Variants in MYT1L observed in about 807,000 individuals in gnomAD.
MYT1L encodes myelin transcription factor 1-like protein.
In MYT1L, 12 loss-of-function variants were observed where a neutral mutation model predicts 126.7. That is an observed-to-expected ratio of 0.09 (90% CI 0.06 to 0.15). The LOEUF (loss-of-function observed/expected upper bound fraction) is 0.15. MYT1L is among the 10% of genes least tolerant of loss of function. The pLI is 1.00. For missense variants in MYT1L, 979 were observed against 1,585.2 expected (o/e 0.62, Z 6.49); for synonymous variants, 541 against 604.2 (o/e 0.90, Z 1.53).
intron 18 of MYT1L, among the ~76,000 whole-genome samples, chr2:1,878,393 T>A (rs984827472): frequency 6.6e-6 from 1 of 152,230 alleles, no homozygotes; most frequent in African/African-American, 2.4e-5. Flanking sequence ...TTAAAAAATA[T>A]AAACTGTTCA....
At chr2:2,238,773 T>C (rs965548224) in intron 2 of MYT1L, among the ~76,000 whole-genome samples, 4 of 152,256 alleles carry the variant, frequency 2.6e-5, no homozygotes, top group African/African-American at 9.6e-5. Context: ...AATACATCTC[T>C]ACATGTTCCA....
intron 3 of MYT1L, among the ~76,000 whole-genome samples, chr2:2,152,939 G>GGGGAAT (rs2086054998): frequency 6.6e-6 from 1 of 152,158 alleles, no homozygotes; most frequent in Admixed American, 6.5e-5. Context: ...TACTGAACAA[G>GGGGAAT]GGGAATAGAT....
At chr2:2,167,827 C>A (rs2089403501) in intron 3 of MYT1L, among the ~76,000 whole-genome samples, 1 of 152,214 alleles carries the variant, frequency 6.6e-6, no homozygotes, top group Non-Finnish European at 1.5e-5. Context: ...TTGTTATACT[C>A]TCACCCTTAT....
At chr2:2,200,049 G>A (rs564918951) in intron 2 of MYT1L, among the ~76,000 whole-genome samples, 3 of 152,190 alleles carry the variant, frequency 2.0e-5, no homozygotes, top group South Asian at 2.1e-4. Context: ...TGGGCCTTAC[G>A]GTTTACAAAA....
At chr2:1,957,337 C>G (rs1558537065) in intron 8 of MYT1L, among the ~76,000 whole-genome samples, 1 of 152,118 alleles carries the variant, frequency 6.6e-6, no homozygotes, top group Non-Finnish European at 1.5e-5. Flanking sequence ...TTCTTTCATG[C>G]TGATTTCTGG....
intron 2 of MYT1L, among the ~76,000 whole-genome samples, chr2:2,241,225 T>C (rs1158106391): frequency 2.6e-5 from 4 of 152,192 alleles, no homozygotes; most frequent in Non-Finnish European, 5.9e-5. Context: ...AAATGTGTGC[T>C]CTTAAAAGGG....
intron 18 of MYT1L, among the ~76,000 whole-genome samples, chr2:1,873,964 T>C (rs577752058): frequency 6.6e-6 from 1 of 151,986 alleles, no homozygotes; most frequent in South Asian, 2.1e-4. Flanking sequence ...TACCGGACTC[T>C]ATGAGGGATG....
intron 4 of MYT1L, among the ~76,000 whole-genome samples, chr2:2,017,184 G>A (rs1371904552): frequency 6.6e-6 from 1 of 152,134 alleles, no homozygotes; most frequent in Non-Finnish European, 1.5e-5. Flanking sequence ...GAGACTCAAC[G>A]CTCCCTGCTT....
At position 1,912,848 on chromosome 2, in the gene MYT1L, T is replaced by C. The variant is rs955426778; in HGVS notation, c.1619-738A>G. 3.3e-5 allele frequency among the ~76,000 whole-genome samples: 5 copies of C among 152,152 alleles called. No homozygotes were observed. Among genetic ancestry groups the C allele is most frequent in the Non-Finnish European group, 7.4e-5 (5 of 68,022 alleles). On this transcript the variant is annotated intron_variant, in intron 11 of 24. Transcript: ENST00000647738. The surrounding 1 kb of genome is among the most constrained non-coding windows in gnomAD (Gnocchi z 4.3). Reference sequence around the variant, plus strand: ...TGCTTGAATTTTCCCAGCAGTGGTGTTGGACCTGAATTATTTGTGTCTTCC... The same window carrying C: ...TGCTTGAATTTTCCCAGCAGTGGTGCTGGACCTGAATTATTTGTGTCTTCC...
chr2:1,969,744 C>G (rs900364906), intron 8 of MYT1L, among the ~76,000 whole-genome samples: 1 of 152,198 alleles, frequency 6.6e-6, no homozygotes, highest in Non-Finnish European at 1.5e-5. Flanking sequence ...CTGCAGCCCT[C>G]TCTGGACACT....
intron 21 of MYT1L, among the ~76,000 whole-genome samples, chr2:1,821,843 C>T (rs925806152): frequency 2.6e-5 from 4 of 152,214 alleles, no homozygotes; most frequent in African/African-American, 9.6e-5. Flanking sequence ...TCTCACTTGA[C>T]GTTCCCATCT....
chr2:2,240,352 A>G (rs1333053138), intron 2 of MYT1L, among the ~76,000 whole-genome samples: 1 of 152,158 alleles, frequency 6.6e-6, no homozygotes, highest in Admixed American at 6.5e-5. Context: ...CAAGTAAAAT[A>G]TTTTATCCTT....
intron 18 of MYT1L, among the ~76,000 whole-genome samples, chr2:1,872,727 A>G (rs1454086358): frequency 1.3e-5 from 2 of 152,188 alleles, no homozygotes; most frequent in African/African-American, 4.8e-5. Context: ...CAGAGTCTCA[A>G]AACTCCAGGC....
chr2:1,987,119 C>T (rs2061091547), intron 5 of MYT1L, among the ~76,000 whole-genome samples: 1 of 152,092 alleles, frequency 6.6e-6, no homozygotes, highest in Admixed American at 6.5e-5. Context: ...TTCTCCATTA[C>T]TTTATCTTGC....
intron 14 of MYT1L, among the ~76,000 whole-genome samples, chr2:1,897,461 T>G (rs954627313): frequency 6.6e-5 from 10 of 151,592 alleles, no homozygotes; most frequent in Middle Eastern, 3.4e-3. Context: ...TTTTTTTTTT[T>G]TTGTTTGTTT....
At chr2:2,065,319 C>T (rs2071089689) in intron 3 of MYT1L, among the ~76,000 whole-genome samples, 1 of 152,070 alleles carries the variant, frequency 6.6e-6, no homozygotes, top group East Asian at 1.9e-4. Flanking sequence ...AATTATAATA[C>T]CCCAAATTAA....
chr2:2,264,664 G>A (rs767220707), intron 2 of MYT1L, among the ~76,000 whole-genome samples: 14 of 152,080 alleles, frequency 9.2e-5, no homozygotes, highest in East Asian at 1.9e-4. Context: ...GGCTGAGGAC[G>A]CGCCACGGTC....
chr2:1,801,103 T>C lies in MYT1L; in HGVS notation c.3276+593A>G, dbSNP rs78348838. The C allele has an allele frequency of 9.2e-3, 1,409 of 152,480 alleles. 23 individuals carry two copies. The highest frequency in any genetic ancestry group is 0.031 in the African/African-American group (1,289 of 41,538). 9.4% of individuals were successfully genotyped at this position (152,480 alleles called of 1,614,324 possible). On this transcript the variant is annotated intron_variant, in intron 23 of 24. Transcript: ENST00000647738. This position sits in a 1 kb window ranked among gnomAD's most constrained non-coding sequence, Gnocchi z 4.2. Reference sequence around the variant, plus strand: ...CTTCGGCTTGGCTGAGGAAGCTGCCTCTCCATCTTAGAAGCTGTATGTTTA... The same window carrying C: ...CTTCGGCTTGGCTGAGGAAGCTGCCCCTCCATCTTAGAAGCTGTATGTTTA...
intron 3 of MYT1L, among the ~76,000 whole-genome samples, chr2:2,154,820 A>T (rs888941905): frequency 2.4e-4 from 37 of 152,208 alleles, no homozygotes; most frequent in Non-Finnish European, 2.4e-4. Context: ...GTACCCCTGA[A>T]ATTAAAAGTT....
Sources: allele counts gnomAD v4.1 joint callset (sites outside exome capture counted in the v4.1 genomes callset), GRCh38; gene constraint gnomAD v4.1.1; non-coding constraint Gnocchi (gnomAD v3.1); transcripts MANE v1.5; gene names NCBI Gene and HGNC (gene_info 2026-07-23, HGNC 2026-07-21).